GRIP1: variants seen among roughly 807,000 people sequenced by gnomAD.
GRIP1 encodes the protein glutamate receptor interacting protein 1, also known as glutamate receptor-interacting protein 1.
GRIP1 carries 45 observed loss-of-function variants against 129.9 expected under a neutral mutation model. The observed-to-expected ratio is 0.35, with a 90% CI of 0.27 to 0.44. The LOEUF (loss-of-function observed/expected upper bound fraction) is 0.44. Ranked by LOEUF, GRIP1 falls within the 20% of genes least tolerant of loss-of-function variation. The pLI is 1.00. For missense variants in GRIP1, 1,196 were observed against 1,396.8 expected, an observed-to-expected ratio of 0.86 and a Z score of 2.29; for synonymous variants, 530 against 520.8, an observed-to-expected ratio of 1.02 and a Z score of -0.24.
chr12:66,688,376 T>G (rs956593777), intron 1 of GRIP1, among the ~76,000 whole-genome samples: 2 of 152,186 alleles, frequency 1.3e-5, no homozygotes, highest in Non-Finnish European at 2.9e-5. Flanking sequence ...AGAAAGCACT[T>G]TGTCAATTTT....
chr12:66,563,197 C>CACATATAA (rs1289558610), intron 2 of GRIP1, among the ~76,000 whole-genome samples: 21 of 151,760 alleles, frequency 1.4e-4, no homozygotes, highest in African/African-American at 4.8e-4. Context: ...TGTATATATA[C>CACATATAA]ACATATAATC....
intron 1 of GRIP1, among the ~76,000 whole-genome samples, chr12:66,991,682 T>A (rs990201796): frequency 6.6e-6 from 1 of 152,206 alleles, no homozygotes; most frequent in African/African-American, 2.4e-5. Flanking sequence ...TTAATAACAG[T>A]GTTGAAATAG....
chr12:67,061,407 G>T (rs1248301692), intron 1 of GRIP1, among the ~76,000 whole-genome samples: 1 of 152,212 alleles, frequency 6.6e-6, no homozygotes, highest in Non-Finnish European at 1.5e-5. Context: ...AGTCAAGATG[G>T]TCGGTCTATA....
intron 7 of GRIP1, among the ~76,000 whole-genome samples, chr12:66,490,425 T>C (rs1315140291): frequency 1.3e-5 from 2 of 152,166 alleles, no homozygotes; most frequent in Non-Finnish European, 2.9e-5. Flanking sequence ...TGGCTAGCCA[T>C]AGGCAGAAAA....
intron 15 of GRIP1, among the ~76,000 whole-genome samples, chr12:66,412,464 C>G (rs896475248): frequency 7.9e-5 from 12 of 152,170 alleles, no homozygotes; most frequent in African/African-American, 2.9e-4. Context: ...GCCTACCTTG[C>G]AAGAGCTCTT....
intron 1 of GRIP1, among the ~76,000 whole-genome samples, chr12:66,917,891 C>T (rs537388806): frequency 6.2e-4 from 94 of 152,008 alleles, no homozygotes; most frequent in African/African-American, 2.2e-3. Flanking sequence ...ACCAAAACTA[C>T]TGAGTCCTAG....
intron 1 of GRIP1, among the ~76,000 whole-genome samples, chr12:66,898,373 T>A (rs1274315181): frequency 6.6e-6 from 1 of 152,216 alleles, no homozygotes; most frequent in African/African-American, 2.4e-5. Context: ...TTTATTTGTG[T>A]CCTCGATGGG....
chr12:66,475,390 A>G (rs2059573794), intron 7 of GRIP1, among the ~76,000 whole-genome samples: 1 of 152,230 alleles, frequency 6.6e-6, no homozygotes, highest in Non-Finnish European at 1.5e-5. Context: ...GGAGACTTTA[A>G]CACCGCACTG....
intron 16 of GRIP1, among the ~76,000 whole-genome samples, chr12:66,402,423 C>T (rs909840301): frequency 7.9e-5 from 12 of 152,176 alleles, no homozygotes; most frequent in Non-Finnish European, 1.2e-4. Context: ...AGGGCTTTAG[C>T]AGCATTTGGG....
intron 1 of GRIP1, among the ~76,000 whole-genome samples, chr12:66,628,559 A>T (rs2030373488): frequency 6.6e-6 from 1 of 152,212 alleles, no homozygotes; most frequent in Non-Finnish European, 1.5e-5. Context: ...CACTTCTCTG[A>T]AAGCTTTGCC....
At chr12:66,476,526 A>C (rs2059618828) in intron 7 of GRIP1, among the ~76,000 whole-genome samples, 1 of 152,228 alleles carries the variant, frequency 6.6e-6, no homozygotes, top group African/African-American at 2.4e-5. Flanking sequence ...TGCTCACTTT[A>C]TGAGGTTAGC....
intron 7 of GRIP1, among the ~76,000 whole-genome samples, chr12:66,509,357 G>C (rs1327744667): frequency 1.3e-5 from 2 of 152,196 alleles, no homozygotes; most frequent in Non-Finnish European, 2.9e-5. Context: ...CTATGAAGAA[G>C]TACTACCATC....
chr12:66,638,044 C>A (rs11176347), intron 1 of GRIP1, among the ~76,000 whole-genome samples: 29,802 of 152,124 alleles, frequency 0.2, 3,061 homozygotes, highest in Non-Finnish European at 0.23. Flanking sequence ...TATGTAAAGT[C>A]TGAGGGCCAT....
intron 1 of GRIP1, among the ~76,000 whole-genome samples, chr12:66,827,846 A>C (rs2039446628): frequency 6.6e-6 from 1 of 152,228 alleles, no homozygotes; most frequent in Non-Finnish European, 1.5e-5. Flanking sequence ...CAAACTTAAA[A>C]ATAAATTCTT....
intron 1 of GRIP1, among the ~76,000 whole-genome samples, chr12:66,674,548 C>T (rs968328573): frequency 2.0e-5 from 3 of 152,132 alleles, no homozygotes; most frequent in Non-Finnish European, 4.4e-5. Context: ...GGGATTTAGA[C>T]GTCACCTGAG....
At chr12:66,462,801 CAAA>C (rs34456744) in intron 9 of GRIP1, 120 bp downstream of exon 9, 7,860 of 348,552 alleles carry the variant, frequency 0.023, no homozygotes, top group East Asian at 0.039. Flanking sequence ...GACTCCATCT[CAAA>C]AAAAAAAAAA....
At chr12:66,872,777 A>G (rs1179763805) in intron 1 of GRIP1, among the ~76,000 whole-genome samples, 5 of 152,072 alleles carry the variant, frequency 3.3e-5, no homozygotes, top group Non-Finnish European at 7.4e-5. Context: ...TAAAATGTCA[A>G]GTTTACCTTA....
intron 16 of GRIP1, among the ~76,000 whole-genome samples, chr12:66,402,963 G>A (rs2057060312): frequency 6.6e-6 from 1 of 152,180 alleles, no homozygotes; most frequent in South Asian, 2.1e-4. Context: ...AGTGGAGCAT[G>A]GACTGTGCCA....
At chr12:66,636,907 C>T (rs2031449898) in intron 1 of GRIP1, among the ~76,000 whole-genome samples, 1 of 152,150 alleles carries the variant, frequency 6.6e-6, no homozygotes. Flanking sequence ...TAAATTTCTG[C>T]TGTCTAAGCT....
Sources: gnomAD v4.1 joint callset for allele counts (sites outside exome capture counted in the v4.1 genomes callset) on GRCh38, gnomAD v4.1.1 for gene constraint, MANE v1.5 for transcripts, NCBI Gene and HGNC (gene_info 2026-07-23, HGNC 2026-07-21) for gene names.